MBNL1: variants seen among roughly 807,000 people sequenced by gnomAD.
The protein encoded by MBNL1 is muscleblind like splicing regulator 1, also known as muscleblind-like protein 1.
In MBNL1, 8 loss-of-function variants were observed where a neutral mutation model predicts 42.2. That is an observed-to-expected ratio of 0.19 (90% CI 0.11 to 0.34). The LOEUF is 0.34. Ranked by LOEUF, MBNL1 falls within the 10% of genes least tolerant of loss-of-function variation. The probability of loss-of-function intolerance (pLI) is 1.00; values close to 1 mark genes in which losing one functional copy is unlikely to be tolerated. For synonymous variants in MBNL1, 169 were observed against 173.9 expected, an observed-to-expected ratio of 0.97 and a Z score of 0.22; for missense variants, 309 against 495.3, an observed-to-expected ratio of 0.62 and a Z score of 3.57.
chr3:152,408,835 T>C (rs191415737), intron 2 of MBNL1, among the ~76,000 whole-genome samples: 21 of 152,196 alleles, frequency 1.4e-4, no homozygotes, highest in Admixed American at 1.2e-3. Flanking sequence ...AGGGGTAATA[T>C]AGGCATTTAG....
Position 152,438,226 on chromosome 3 carries a change from T to C in MBNL1, c.549+5306T>C, listed in dbSNP as rs551267397. On this transcript the variant is annotated intron_variant, in intron 4 of 9. Transcript: ENST00000324210. Reference sequence around the variant, plus strand: ...ATTCAGTAGAAAACTGTTGAAAATATTTCAAGTAGAAGATGTGAGAAATGT... The same window carrying C: ...ATTCAGTAGAAAACTGTTGAAAATACTTCAAGTAGAAGATGTGAGAAATGT... Among the ~76,000 whole-genome samples the C allele has an allele frequency of 3.3e-5, 5 of 152,316 alleles. No individual in the cohort carries two copies. The South Asian group carries it at 1.0e-3, about 32-fold the overall frequency.
chr3:152,298,692 A>G (rs567953886), intron 1 of MBNL1, among the ~76,000 whole-genome samples: 1 of 152,322 alleles, frequency 6.6e-6, no homozygotes, highest in East Asian at 1.9e-4. Flanking sequence ...GAATAGTTTT[A>G]CAGTATGAGT....
At chr3:152,358,936 C>A (rs2095731681) in intron 2 of MBNL1, among the ~76,000 whole-genome samples, 1 of 152,064 alleles carries the variant, frequency 6.6e-6, no homozygotes, top group Admixed American at 6.6e-5. Context: ...GTAATAAATA[C>A]ACATGCTTTA....
At chr3:152,314,070 C>T (rs887088141) in intron 2 of MBNL1, among the ~76,000 whole-genome samples, 8 of 152,168 alleles carry the variant, frequency 5.3e-5, no homozygotes, top group Admixed American at 1.3e-4. Flanking sequence ...AAATTTTCTC[C>T]TAAAAGACTC....
At chr3:152,309,264 C>G (rs2065019505) in intron 2 of MBNL1, among the ~76,000 whole-genome samples, 1 of 152,164 alleles carries the variant, frequency 6.6e-6, no homozygotes, top group Non-Finnish European at 1.5e-5. Flanking sequence ...GGCAGCTGTC[C>G]CTGAATCATC....
intron 2 of MBNL1, among the ~76,000 whole-genome samples, chr3:152,304,498 A>G (rs2062053969): frequency 2.0e-5 from 3 of 152,210 alleles, no homozygotes. Flanking sequence ...CACTGTTACC[A>G]GGAAGTTTTT....
intron 2 of MBNL1, among the ~76,000 whole-genome samples, chr3:152,414,493 A>G (rs1456981171): frequency 6.6e-6 from 1 of 152,198 alleles, no homozygotes; most frequent in East Asian, 1.9e-4. Flanking sequence ...TGAAGATACA[A>G]TGTGCCTTGA....
At chr3:152,401,808 G>A (rs910014204) in intron 2 of MBNL1, among the ~76,000 whole-genome samples, 5 of 151,980 alleles carry the variant, frequency 3.3e-5, no homozygotes, top group Admixed American at 1.3e-4. Flanking sequence ...GGCAGATCAC[G>A]AGGTCAAGAG....
chr3:152,419,493 A>G (rs1560519428), intron 3 of MBNL1, among the ~76,000 whole-genome samples: 1 of 152,096 alleles, frequency 6.6e-6, no homozygotes, highest in African/African-American at 2.4e-5. Flanking sequence ...TCCCTTCCCT[A>G]GCCAAGGGAA....
At chr3:152,318,270 G>A (rs2073603381) in intron 2 of MBNL1, among the ~76,000 whole-genome samples, 1 of 152,150 alleles carries the variant, frequency 6.6e-6, no homozygotes. Context: ...CACGTTACAA[G>A]CATTTTGAAA....
intron 3 of MBNL1, among the ~76,000 whole-genome samples, chr3:152,426,615 G>A (rs984464774): frequency 6.6e-6 from 1 of 152,116 alleles, no homozygotes; most frequent in South Asian, 2.1e-4. Context: ...CATAAGCAGT[G>A]GTTATAAAGA....
intron 2 of MBNL1, among the ~76,000 whole-genome samples, chr3:152,318,570 T>C (rs372241721): frequency 2.0e-5 from 3 of 152,300 alleles, no homozygotes; most frequent in African/African-American, 7.2e-5. Flanking sequence ...AAAATAGGAC[T>C]TGATTGATGG....
At chr3:152,314,486 C>T (rs148998514) in intron 2 of MBNL1, among the ~76,000 whole-genome samples, 1,932 of 152,126 alleles carry the variant, frequency 0.013, 39 homozygotes, top group African/African-American at 0.044. Flanking sequence ...AGCGATTCTC[C>T]TGCCTCAGCC....
chr3:152,444,699 A>G (rs1246624361), intron 4 of MBNL1, among the ~76,000 whole-genome samples: 2 of 152,178 alleles, frequency 1.3e-5, no homozygotes, highest in Admixed American at 6.5e-5. Flanking sequence ...TGTCCTCCCA[A>G]TATTCTTTCT....
intron 2 of MBNL1, among the ~76,000 whole-genome samples, chr3:152,372,645 A>G (rs2096719378): frequency 6.6e-6 from 1 of 152,146 alleles, no homozygotes; most frequent in Non-Finnish European, 1.5e-5. Flanking sequence ...AACAGCAAAG[A>G]TTGCTGCCTG....
At chr3:152,428,760 C>T (rs2098969108) in intron 3 of MBNL1, among the ~76,000 whole-genome samples, 2 of 152,250 alleles carry the variant, frequency 1.3e-5, no homozygotes, top group East Asian at 1.9e-4. Flanking sequence ...GTTTAAAAGT[C>T]CTCCGGATGA....
upstream of MBNL1, chr3:152,268,426 C>A: frequency 4.0e-6 from 1 of 250,450 alleles, no homozygotes; most frequent in Non-Finnish European, 8.1e-6. Context: ...CTCACCAGAT[C>A]GCAGGATTCT....
At chr3:152,371,431 C>T (rs207463892) in intron 2 of MBNL1, among the ~76,000 whole-genome samples, 1 of 152,170 alleles carries the variant, frequency 6.6e-6, no homozygotes, top group African/African-American at 2.4e-5. Flanking sequence ...AACTCCATCT[C>T]TACTAAAAAT....
At chr3:152,330,521 A>C (rs2083630200) in intron 2 of MBNL1, among the ~76,000 whole-genome samples, 1 of 152,214 alleles carries the variant, frequency 6.6e-6, no homozygotes, top group Non-Finnish European at 1.5e-5. Context: ...TAAAAAATTC[A>C]GTCTAATTTA....
Sources: allele counts gnomAD v4.1 joint callset (sites outside exome capture counted in the v4.1 genomes callset), GRCh38; gene constraint gnomAD v4.1.1; transcripts MANE v1.5; gene names NCBI Gene and HGNC (gene_info 2026-07-23, HGNC 2026-07-21).